PLPPR5: variants seen among roughly 807,000 people sequenced by gnomAD.
PLPPR5 encodes the protein phospholipid phosphatase related 5.
A neutral mutation model predicts 33.9 loss-of-function variants in PLPPR5; 16 were observed. The observed-to-expected ratio is 0.47, with a 90% CI of 0.32 to 0.72. The LOEUF (loss-of-function observed/expected upper bound fraction) is 0.72. PLPPR5 is among the 30% of genes least tolerant of loss of function. The pLI is 0.03. For missense variants in PLPPR5, 301 were observed against 406.7 expected, an observed-to-expected ratio of 0.74 and a Z score of 2.23; for synonymous variants, 163 against 150.3, an observed-to-expected ratio of 1.08 and a Z score of -0.62.
At chr1:98,960,076 C>A (rs1481112103) in intron 1 of PLPPR5, among the ~76,000 whole-genome samples, 1 of 152,066 alleles carries the variant, frequency 6.6e-6, no homozygotes, top group African/African-American at 2.4e-5. Flanking sequence ...CACCCTAGTT[C>A]TGTTTCCCCC....
chr1:98,968,343 T>C (rs1235760251), intron 1 of PLPPR5, among the ~76,000 whole-genome samples: 1 of 152,066 alleles, frequency 6.6e-6, no homozygotes. Flanking sequence ...AAAATTAGTA[T>C]GTGGGTTATT....
At chr1:98,952,264 GA>G (rs34394491) in intron 3 of PLPPR5, among the ~76,000 whole-genome samples, 4 of 70,610 alleles carry the variant, frequency 5.7e-5, no homozygotes, top group Non-Finnish European at 7.6e-5. Flanking sequence ...CTCCGTCTCA[GA>G]AAAAAAAAAA....
intron 3 of PLPPR5, among the ~76,000 whole-genome samples, chr1:98,929,901 G>C (rs1402667220): frequency 2.6e-5 from 4 of 152,150 alleles, no homozygotes; most frequent in African/African-American, 4.8e-5. Flanking sequence ...GATAGAAAGT[G>C]AGATGATATT....
intron 4 of PLPPR5, among the ~76,000 whole-genome samples, chr1:98,919,267 G>A (rs771723302): frequency 4.6e-5 from 7 of 152,132 alleles, no homozygotes; most frequent in Non-Finnish European, 8.8e-5. Context: ...AATTAACCTG[G>A]CCTAAATGAA....
intron 1 of PLPPR5, among the ~76,000 whole-genome samples, chr1:98,963,854 C>T (rs1651339337): frequency 6.6e-6 from 1 of 152,170 alleles, no homozygotes; most frequent in Admixed American, 6.5e-5. Flanking sequence ...CCTATTAACA[C>T]ACAAGCCAGT....
intron 3 of PLPPR5, among the ~76,000 whole-genome samples, chr1:98,949,576 A>G (rs927904765): frequency 2.0e-5 from 3 of 152,214 alleles, no homozygotes; most frequent in Non-Finnish European, 4.4e-5. Flanking sequence ...TATTGAATAT[A>G]TGGCTGTTTT....
At chr1:98,971,666 A>C (rs1296388444) in intron 1 of PLPPR5, among the ~76,000 whole-genome samples, 1 of 152,036 alleles carries the variant, frequency 6.6e-6, no homozygotes, top group African/African-American at 2.4e-5. Context: ...AAATATTGAG[A>C]GTCATCACAT....
chr1:98,907,933 C>T (rs1648968026), intron 5 of PLPPR5, among the ~76,000 whole-genome samples: 1 of 152,168 alleles, frequency 6.6e-6, no homozygotes, highest in Admixed American at 6.5e-5. Context: ...AAGGTAACTT[C>T]CCATCCAGGT....
chr1:98,933,772 G>GC (rs1192463495), intron 3 of PLPPR5, among the ~76,000 whole-genome samples: 1 of 152,162 alleles, frequency 6.6e-6, no homozygotes, highest in Non-Finnish European at 1.5e-5. Context: ...TAAAGGGGCT[G>GC]CCAGGGATGG....
chr1:98,963,139 A>T (rs1651307543), intron 1 of PLPPR5, among the ~76,000 whole-genome samples: 1 of 152,180 alleles, frequency 6.6e-6, no homozygotes. Context: ...CAGTATTTCC[A>T]TACATCCAGG....
rs1247519605 is a variant in PLPPR5 at position 99,001,671 on chromosome 1, G to GATAGATAGATAGATATATATATAT, written c.237+2763_237+2764insATATATATATATCTATCTATCTAT. On this transcript the variant is annotated intron_variant, in intron 1 of 5. Transcript: ENST00000263177. ...ACTAGAAATGAGTTTGAAAGTTAAAGATATATATATATATATATATATATA... is the reference window on the plus strand; with the variant it reads ...ACTAGAAATGAGTTTGAAAGTTAAAGATAGATAGATAGATATATATATATATATATATATATATATATATATATA... Among the ~76,000 whole-genome samples, 6 of 102,190 alleles carry GATAGATAGATAGATATATATATAT rather than the reference G, an allele frequency of 5.9e-5. No individual in the cohort carries two copies. The East Asian group carries it at 2.2e-3, about 38-fold the overall frequency. The allele number at this position is 102,190 out of a possible 152,430, so 67.0% of individuals were successfully genotyped here.
chr1:98,919,878 C>T (rs1034766248), intron 4 of PLPPR5, among the ~76,000 whole-genome samples: 1 of 152,040 alleles, frequency 6.6e-6, no homozygotes, highest in Non-Finnish European at 1.5e-5. Flanking sequence ...TTTGTTTAAC[C>T]TTTATAGAGC....
intron 3 of PLPPR5, among the ~76,000 whole-genome samples, chr1:98,926,583 A>T (rs1354420582): frequency 6.6e-6 from 1 of 151,920 alleles, no homozygotes; most frequent in Non-Finnish European, 1.5e-5. Flanking sequence ...CTGATGCCTT[A>T]TCAAGTTCCC....
At position 99,004,792 on chromosome 1, in the gene PLPPR5, A is replaced by G. The variant is rs2100773920; in HGVS notation, c.-121T>C. On this transcript the variant is annotated 5_prime_UTR_variant, in exon 1 of 6. Transcript: ENST00000263177. ...GGCGGAGGCGGCGGGAGGACGAGGC[A>G]CGGGAGGCGGGATGGAGCCGCTGGA... The G allele has an allele frequency of 2.0e-6, 1 of 509,440 alleles. No homozygotes were observed. Among genetic ancestry groups the G allele is most frequent in the Non-Finnish European group, 2.9e-6 (1 of 343,018 alleles). The allele number at this position is 509,440 out of a possible 1,614,324, so 31.6% of individuals were successfully genotyped here.
At chr1:98,944,166 A>T (rs1270112118) in intron 3 of PLPPR5, among the ~76,000 whole-genome samples, 2 of 152,308 alleles carry the variant, frequency 1.3e-5, no homozygotes, top group East Asian at 3.9e-4. Context: ...GGGCCTAATG[A>T]CATCAATAAA....
intron 4 of PLPPR5, among the ~76,000 whole-genome samples, chr1:98,919,970 G>C (rs192355259): frequency 2.0e-5 from 3 of 152,292 alleles, no homozygotes; most frequent in Non-Finnish European, 2.9e-5. Flanking sequence ...ATAAATGGCT[G>C]TGAATGAATG....
chr1:98,921,492 C>A (rs1570699055), intron 4 of PLPPR5, among the ~76,000 whole-genome samples: 1 of 152,044 alleles, frequency 6.6e-6, no homozygotes, highest in Non-Finnish European at 1.5e-5. Context: ...CCAAACCAGT[C>A]CTGAAACTCG....
chr1:98,956,796 AAAT>A, intron 1 of PLPPR5, 55 bp from the exon 2 acceptor site: 1 of 1,333,840 alleles, frequency 7.5e-7, no homozygotes, highest in South Asian at 1.7e-5. Flanking sequence ...TATAAATGTA[AAAT>A]ATTTTTATTT....
intron 3 of PLPPR5, among the ~76,000 whole-genome samples, chr1:98,947,878 C>T (rs1470638594): frequency 2.0e-5 from 3 of 152,218 alleles, no homozygotes; most frequent in Admixed American, 6.5e-5. Flanking sequence ...TGATGTATTA[C>T]ATAGCAGATG....
Sources: allele counts gnomAD v4.1 joint callset (sites outside exome capture counted in the v4.1 genomes callset), GRCh38; gene constraint gnomAD v4.1.1; transcripts MANE v1.5; gene names NCBI Gene and HGNC (gene_info 2026-07-23, HGNC 2026-07-21).